CNGB3: variants seen among roughly 807,000 people sequenced by gnomAD.
CNGB3 encodes the protein cyclic nucleotide gated channel subunit beta 3, also known as cyclic nucleotide-gated channel beta-3.
A neutral mutation model predicts 92.8 loss-of-function variants in CNGB3; 86 were observed. The ratio of observed to expected loss-of-function variants is 0.93; its 90% CI spans 0.78 to 1.11. The LOEUF is 1.11. Among genes scored for constraint, CNGB3 ranks in the 50% least tolerant of loss-of-function variants. CNGB3 has a pLI of 0.00. For missense variants in CNGB3, 1,026 were observed against 956.8 expected (o/e 1.07, Z -0.95); for synonymous variants, 333 against 332.7 (o/e 1.00, Z -0.01).
intron 3 of CNGB3, chr8:86,707,877 G>C (rs760213155): frequency 3.3e-5 from 5 of 152,204 alleles, no homozygotes; most frequent in Non-Finnish European, 5.9e-5. Flanking sequence ...TTTGCTTTTG[G>C]ATTGGCTGTA....
At chr8:86,679,095 C>T (rs1824031549) in intron 3 of CNGB3, among the ~76,000 whole-genome samples, 2 of 151,904 alleles carry the variant, frequency 1.3e-5, no homozygotes, top group Admixed American at 1.3e-4. Context: ...AAATTGGTGT[C>T]TTGGGGAAGT....
In CNGB3 at chr8:86,575,547, AC is replaced by A. The variant is rs1821641530; in HGVS notation, c.*256del. On this transcript the variant is annotated 3_prime_UTR_variant, in exon 18 of 18. Transcript: ENST00000320005. Reference sequence around the variant, plus strand: ...CAGGAAAGAACCAAAGGAAAAGGAAACTTACTACATACAATTAGAAGATATA... The same window carrying A: ...CAGGAAAGAACCAAAGGAAAAGGAAATTACTACATACAATTAGAAGATATA... 1 of 374,798 alleles carries A rather than the reference AC, an allele frequency of 2.7e-6. No homozygotes were observed. The highest frequency in any genetic ancestry group is 4.3e-5 in the Admixed American group (1 of 23,078). The allele number at this position is 374,798 out of a possible 1,614,324, so 23.2% of individuals were successfully genotyped here. A position where few individuals can be genotyped will look rare whatever the true frequency, so the allele number is the denominator to read the frequency against.
chr8:86,728,763 G>T (rs1292775566), intron 2 of CNGB3, among the ~76,000 whole-genome samples: 1 of 152,128 alleles, frequency 6.6e-6, no homozygotes. Context: ...ATGGATCATT[G>T]TGTTCACATA....
rs910774521 is a variant in CNGB3 at position 86,574,723 on chromosome 8, C to A, written c.*1081G>T. The A allele has an allele frequency of 6.6e-6, 1 of 152,220 alleles. No homozygotes were observed. Among genetic ancestry groups the A allele is most frequent in the East Asian group, 1.9e-4 (1 of 5,202 alleles). The allele number at this position is 152,220 out of a possible 1,614,324, so 9.4% of individuals were successfully genotyped here. A position where few individuals can be genotyped will look rare whatever the true frequency, so the allele number is the denominator to read the frequency against. On this transcript the variant is annotated 3_prime_UTR_variant, in exon 18 of 18. Transcript: ENST00000320005. ...TGGAATTCTATATGTATTATTACTT[C>A]CGACACCAGCCTGGCCTTTGTAGCC...
intron 13 of CNGB3, among the ~76,000 whole-genome samples, chr8:86,618,879 TC>T (rs1822669223): frequency 6.6e-6 from 1 of 152,312 alleles, no homozygotes; most frequent in Middle Eastern, 3.4e-3. Context: ...ATGCTGCCAT[TC>T]CGGTTCTCTT....
At chr8:86,653,509 T>C (rs1823444819) in intron 7 of CNGB3, among the ~76,000 whole-genome samples, 1 of 152,114 alleles carries the variant, frequency 6.6e-6, no homozygotes, top group African/African-American at 2.4e-5. Flanking sequence ...GACCTCTGCC[T>C]ATTTCTCAGA....
At chr8:86,622,568 C>T (rs987895573) in intron 13 of CNGB3, among the ~76,000 whole-genome samples, 1 of 152,158 alleles carries the variant, frequency 6.6e-6, no homozygotes, top group Admixed American at 6.5e-5. Flanking sequence ...CCCCATTCAC[C>T]ACCAGAAGCA....
At chr8:86,743,091 C>T (rs1825369814) in intron 1 of CNGB3, among the ~76,000 whole-genome samples, 1 of 152,060 alleles carries the variant, frequency 6.6e-6, no homozygotes, top group Non-Finnish European at 1.5e-5. Context: ...TAAAATCGCT[C>T]TCAATTGAGA....
At chr8:86,602,840 C>T (rs1006952968) in intron 15 of CNGB3, among the ~76,000 whole-genome samples, 2 of 152,148 alleles carry the variant, frequency 1.3e-5, no homozygotes, top group Non-Finnish European at 2.9e-5. Context: ...TTGCCTAAAA[C>T]CCTCTACTGG....
intron 10 of CNGB3, among the ~76,000 whole-genome samples, chr8:86,641,633 A>AT (rs140856006): frequency 0.052 from 7,661 of 147,582 alleles, 271 homozygotes; most frequent in Non-Finnish European, 0.078. Flanking sequence ...TTCCTTATTC[A>AT]TTTTTTTTTC....
chr8:86,642,316 T>A (rs1465286001), intron 10 of CNGB3, among the ~76,000 whole-genome samples: 2 of 151,838 alleles, frequency 1.3e-5, no homozygotes, highest in Non-Finnish European at 2.9e-5. Flanking sequence ...GGTATTTTAG[T>A]CAATTTTTAG....
At chr8:86,624,146 C>T (rs1822797012) in intron 13 of CNGB3, among the ~76,000 whole-genome samples, 1 of 152,208 alleles carries the variant, frequency 6.6e-6, no homozygotes, top group Non-Finnish European at 1.5e-5. Context: ...TGACTGGGCG[C>T]AGTGGCTCAT....
At chr8:86,636,498 G>C (rs753049474) in intron 10 of CNGB3, among the ~76,000 whole-genome samples, 1 of 146,796 alleles carries the variant, frequency 6.8e-6, no homozygotes, top group Non-Finnish European at 1.5e-5. Context: ...GCTTGAACCC[G>C]GGAGGCGGAG....
At chr8:86,589,910 C>G (rs558787189) in intron 15 of CNGB3, among the ~76,000 whole-genome samples, 258 of 151,662 alleles carry the variant, frequency 1.7e-3, no homozygotes, top group African/African-American at 5.7e-3. Flanking sequence ...CTTTCTGTCT[C>G]GTTGATCTGT....
chr8:86,674,865 C>T (rs1189025819), intron 3 of CNGB3, among the ~76,000 whole-genome samples: 8 of 151,208 alleles, frequency 5.3e-5, no homozygotes, highest in Non-Finnish European at 1.0e-4. Flanking sequence ...GCCATCCTCC[C>T]ACCTCAGTCT....
chr8:86,703,641 CT>C (rs906313713), intron 3 of CNGB3, among the ~76,000 whole-genome samples: 1 of 152,128 alleles, frequency 6.6e-6, no homozygotes, highest in Non-Finnish European at 1.5e-5. Flanking sequence ...TACTGTGCCT[CT>C]TTTTTCTTAA....
At chr8:86,682,462 T>C (rs1041646773) in intron 3 of CNGB3, among the ~76,000 whole-genome samples, 1 of 152,124 alleles carries the variant, frequency 6.6e-6, no homozygotes, top group Non-Finnish European at 1.5e-5. Flanking sequence ...AAGAGGCCAG[T>C]TTGACAGGGG....
At chr8:86,686,345 CA>C (rs77541568) in intron 3 of CNGB3, among the ~76,000 whole-genome samples, 40,298 of 151,812 alleles carry the variant, frequency 0.27, 5,521 homozygotes, top group East Asian at 0.4. Flanking sequence ...GTAGTCAGTA[CA>C]GATCTGGGAT....
intron 7 of CNGB3, among the ~76,000 whole-genome samples, chr8:86,650,093 C>G (rs567775502): frequency 5.4e-4 from 82 of 151,610 alleles, no homozygotes; most frequent in African/African-American, 1.7e-3. Flanking sequence ...GTTGATTTTA[C>G]TCTACAGGTA....
Sources: gnomAD v4.1 joint callset for allele counts (sites outside exome capture counted in the v4.1 genomes callset) on GRCh38, gnomAD v4.1.1 for gene constraint, MANE v1.5 for transcripts, NCBI Gene and HGNC (gene_info 2026-07-23, HGNC 2026-07-21) for gene names.